CALD1: variants seen among roughly 807,000 people sequenced by gnomAD.
CALD1 encodes the protein caldesmon 1, also known as caldesmon.
Under a neutral mutation model 99.9 loss-of-function variants are expected in CALD1, and 33 were observed. That is an observed-to-expected ratio of 0.33 (90% confidence interval 0.25 to 0.44). The LOEUF (loss-of-function observed/expected upper bound fraction) is 0.44, where lower values mean the gene tolerates loss of function less well. CALD1 is among the 20% of genes least tolerant of loss of function. The probability of loss-of-function intolerance (pLI) is 1.00; values close to 1 mark genes in which losing one functional copy is unlikely to be tolerated. For missense variants in CALD1, 861 were observed against 962.1 expected (o/e 0.89, Z 1.39); for synonymous variants, 310 against 325.0 (o/e 0.95, Z 0.50).
chr7:134,738,486 C>T, the CALD1 span, among the ~76,000 whole-genome samples: 4 of 152,124 alleles, frequency 2.6e-5, no homozygotes, highest in South Asian at 2.1e-4. Context: ...TGACAGCCCA[C>T]GTGTTGCGTG....
intron 1 of CALD1, among the ~76,000 whole-genome samples, chr7:134,803,791 G>A (rs1429164934): frequency 6.6e-6 from 1 of 151,174 alleles, no homozygotes; most frequent in Non-Finnish European, 1.5e-5. Context: ...CGCCTCCTGG[G>A]TTTAAGCGAT....
At chr7:134,821,192 C>A (rs1798758994) in intron 1 of CALD1, among the ~76,000 whole-genome samples, 1 of 151,954 alleles carries the variant, frequency 6.6e-6, no homozygotes, top group African/African-American at 2.4e-5. Context: ...AGTAAGTGTA[C>A]AAATTTCCCT....
chr7:134,783,592 A>AG lies in CALD1; in HGVS notation c.-130+3847dup, dbSNP rs761406573. ...GAAACTATGACCTGGGCTGTGAGGGAGGGGTGATGAGGTTGTTCCCTGTGT... is the reference window on the plus strand; with the variant it reads ...GAAACTATGACCTGGGCTGTGAGGGAGGGGGTGATGAGGTTGTTCCCTGTGT... On this transcript the variant is annotated intron_variant, in intron 1 of 14. Coordinates refer to ENST00000361675, the MANE Select transcript of CALD1 (RefSeq NM_033138.4). The surrounding 1 kb of genome is among the most constrained non-coding windows in gnomAD (Gnocchi z 4.3). 3.9e-5 allele frequency among the ~76,000 whole-genome samples: 6 copies of AG among 152,016 alleles called. No individual in the cohort carries two copies. Among genetic ancestry groups the AG allele is most frequent in the Non-Finnish European group, 7.4e-5 (5 of 68,014 alleles).
chr7:134,714,900 G>T, the CALD1 span, among the ~76,000 whole-genome samples: 2 of 152,108 alleles, frequency 1.3e-5, no homozygotes, highest in Non-Finnish European at 2.9e-5. Flanking sequence ...CTTTCTTGGT[G>T]CCACTTGCTG....
intron 2 of CALD1, among the ~76,000 whole-genome samples, chr7:134,853,244 G>C (rs1800153078): frequency 6.6e-6 from 1 of 152,142 alleles, no homozygotes; most frequent in Non-Finnish European, 1.5e-5. Context: ...AATCTGACTA[G>C]TTGCTTTTCT....
At chr7:134,748,223 G>A (rs1026036560) in intron 1 of CALD1, among the ~76,000 whole-genome samples, 9 of 152,198 alleles carry the variant, frequency 5.9e-5, no homozygotes, top group African/African-American at 1.7e-4. Flanking sequence ...CTGTCCCATC[G>A]TTTTATTTTG....
chr7:134,808,587 T>C (rs1798240290), intron 1 of CALD1, among the ~76,000 whole-genome samples: 1 of 152,212 alleles, frequency 6.6e-6, no homozygotes, highest in South Asian at 2.1e-4. Flanking sequence ...CGCCTCTGAA[T>C]GCTGGGTTTG....
intron 1 of CALD1, chr7:134,745,427 T>C (rs1160859714): frequency 1.3e-5 from 2 of 152,224 alleles, no homozygotes; most frequent in Non-Finnish European, 2.9e-5. Flanking sequence ...TAAGTCTGCA[T>C]TCCGCTACTG....
chr7:134,840,910 T>C (rs956996901), intron 1 of CALD1, among the ~76,000 whole-genome samples: 3 of 152,134 alleles, frequency 2.0e-5, no homozygotes, highest in African/African-American at 7.2e-5. Flanking sequence ...ATGTAATATA[T>C]TATAATTTCT....
At chr7:134,920,529 A>C in intron 3 of CALD1, 8 of 1,208,342 alleles carry the variant, frequency 6.6e-6, no homozygotes, top group Non-Finnish European at 8.4e-6. Context: ...TGTGGCCTTC[A>C]TGGGGAGTGT....
intron 1 of CALD1, among the ~76,000 whole-genome samples, chr7:134,818,585 G>C (rs1586020142): frequency 6.6e-6 from 1 of 152,148 alleles, no homozygotes; most frequent in East Asian, 1.9e-4. Flanking sequence ...TTCAAAGAAA[G>C]GTTCCATGTC....
the CALD1 span, among the ~76,000 whole-genome samples, chr7:134,715,430 C>A: frequency 6.6e-6 from 1 of 152,068 alleles, no homozygotes; most frequent in African/African-American, 2.4e-5. Flanking sequence ...AAGTATACAC[C>A]CTCTATTAAC....
At chr7:134,728,504 T>A in the CALD1 span, among the ~76,000 whole-genome samples, 1 of 152,184 alleles carries the variant, frequency 6.6e-6, no homozygotes, top group Non-Finnish European at 1.5e-5. Context: ...CTACAGTCTG[T>A]TTACACCTCC....
chr7:134,787,704 T>C (rs1455541110), intron 1 of CALD1, among the ~76,000 whole-genome samples: 2 of 152,190 alleles, frequency 1.3e-5, no homozygotes, highest in Non-Finnish European at 2.9e-5. Context: ...TCTAGGTTCT[T>C]CCTTTATTCG....
At chr7:134,863,067 T>C (rs1289705491) in intron 2 of CALD1, among the ~76,000 whole-genome samples, 2 of 152,140 alleles carry the variant, frequency 1.3e-5, no homozygotes. Flanking sequence ...CTGTGCCAAA[T>C]TTCCCCTTTT....
At chr7:134,810,186 C>A (rs968486615) in intron 1 of CALD1, among the ~76,000 whole-genome samples, 2 of 152,082 alleles carry the variant, frequency 1.3e-5, no homozygotes, top group African/African-American at 4.8e-5. Context: ...CTAATCAACC[C>A]AACTGGTCCA....
chr7:134,737,410 T>G, the CALD1 span, among the ~76,000 whole-genome samples: 6 of 152,326 alleles, frequency 3.9e-5, no homozygotes, highest in African/African-American at 1.4e-4. Context: ...ATTACAGGCA[T>G]GAGCCACTGC....
At chr7:134,753,210 G>A (rs1796700602) in intron 1 of CALD1, among the ~76,000 whole-genome samples, 1 of 152,060 alleles carries the variant, frequency 6.6e-6, no homozygotes, top group South Asian at 2.1e-4. Flanking sequence ...GAACTGAAAT[G>A]AAGGATCCAG....
chr7:134,771,086 T>C (rs1796874342), intron 1 of CALD1, among the ~76,000 whole-genome samples: 1 of 152,204 alleles, frequency 6.6e-6, no homozygotes, highest in African/African-American at 2.4e-5. Flanking sequence ...GCAATGGCTC[T>C]CAGCTCCTTC....
Sources: gnomAD v4.1 joint callset for allele counts (sites outside exome capture counted in the v4.1 genomes callset) on GRCh38, gnomAD v4.1.1 for gene constraint, Gnocchi (gnomAD v3.1) non-coding constraint, MANE v1.5 for transcripts, NCBI Gene and HGNC (gene_info 2026-07-23, HGNC 2026-07-21) for gene names.